Variants in PRKCA observed in about 807,000 individuals in gnomAD.
The protein encoded by PRKCA is protein kinase C alpha, also known as protein kinase C alpha type.
In PRKCA, 27 loss-of-function variants were observed where a neutral mutation model predicts 87.0. That is an observed-to-expected ratio of 0.31 (90% CI 0.23 to 0.43). The LOEUF (loss-of-function observed/expected upper bound fraction) is 0.43, where lower values mean the gene tolerates loss of function less well. PRKCA is among the 20% of genes least tolerant of loss of function. PRKCA has a pLI of 1.00. For missense variants in PRKCA, 518 were observed against 852.3 expected, an observed-to-expected ratio of 0.61 and a Z score of 4.88; for synonymous variants, 329 against 311.1, an observed-to-expected ratio of 1.06 and a Z score of -0.61.
chr17:66,607,047 A>G (rs1290635550), intron 3 of PRKCA, among the ~76,000 whole-genome samples: 1 of 152,148 alleles, frequency 6.6e-6, no homozygotes, highest in African/African-American at 2.4e-5. Context: ...TTGTAATGCA[A>G]TTACTTTTAA....
intron 2 of PRKCA, among the ~76,000 whole-genome samples, chr17:66,309,546 C>T (rs1010256075): frequency 6.6e-6 from 1 of 152,142 alleles, no homozygotes; most frequent in Non-Finnish European, 1.5e-5. Flanking sequence ...CTGCCTGAAA[C>T]GGTGAAACCA....
intron 3 of PRKCA, among the ~76,000 whole-genome samples, chr17:66,501,736 G>T (rs1218426389): frequency 6.6e-6 from 1 of 152,218 alleles, no homozygotes; most frequent in Non-Finnish European, 1.5e-5. Context: ...AGACAAAAGT[G>T]CTCTGTGTTT....
intron 5 of PRKCA, among the ~76,000 whole-genome samples, chr17:66,665,044 C>T (rs1972008676): frequency 6.6e-6 from 1 of 152,114 alleles, no homozygotes; most frequent in Non-Finnish European, 1.5e-5. Flanking sequence ...ATTGCAGAAT[C>T]CCCGAACTCA....
At chr17:66,364,908 A>G (rs936165001) in intron 2 of PRKCA, among the ~76,000 whole-genome samples, 5 of 152,028 alleles carry the variant, frequency 3.3e-5, no homozygotes, top group Non-Finnish European at 7.4e-5. Flanking sequence ...TTCGAATACT[A>G]TTTTCCCACT....
At position 66,787,195 on chromosome 17, in the gene PRKCA, C is replaced by T. The variant is rs189134445; in HGVS notation, c.1713+221C>T. 2.8e-3 allele frequency: 2,033 copies of T among 732,290 alleles called. 42 individuals carry two copies. In the Admixed American group the frequency reaches 0.034, roughly 12 times the overall value. The allele number at this position is 732,290 out of a possible 1,614,324, so 45.4% of individuals were successfully genotyped here. ...GGCCTGTTTTGAACTCTGCACAAACCGAACCTTGTAGTGTTGCTCCTGGCC... is the reference window on the plus strand; with the variant it reads ...GGCCTGTTTTGAACTCTGCACAAACTGAACCTTGTAGTGTTGCTCCTGGCC... On this transcript the variant is annotated intron_variant, in intron 15 of 16. Transcript: ENST00000413366.
intron 2 of PRKCA, among the ~76,000 whole-genome samples, chr17:66,333,497 A>T (rs1906475400): frequency 6.6e-6 from 1 of 152,164 alleles, no homozygotes; most frequent in South Asian, 2.1e-4. Flanking sequence ...TTGTATGCTC[A>T]CTCAGTTGCC....
In PRKCA at chr17:66,687,194, A is replaced by G; in HGVS notation, c.613A>G (p.Lys205Glu). The G allele has an allele frequency of 6.2e-7, 1 of 1,614,132 alleles. No individual in the cohort carries two copies. Residue 205 changes from lysine to glutamate, a missense_variant, in exon 6 of 17, where the codon AAG (lysine) becomes GAG (glutamate). Physicochemically the swap from Lys to Glu is moderately conservative, Grantham distance 56. This residue lies in a region of PRKCA where 300 missense variants were observed against 496.8 expected (regional missense o/e 0.60). Transcript: ENST00000413366. ...YVKLKLIPDP[K>E]NESKQKTKTI... Reference sequence around the variant, plus strand: ...GAAGCTGAAACTTATTCCTGATCCCAAGAATGAAAGCAAGCAAAAAACCAA... The same window carrying G: ...GAAGCTGAAACTTATTCCTGATCCCGAGAATGAAAGCAAGCAAAAAACCAA...
chr17:66,775,454 T>A (rs764683428), intron 14 of PRKCA: 19 of 985,422 alleles, frequency 1.9e-5, no homozygotes, highest in Non-Finnish European at 2.3e-5. Flanking sequence ...GTATAGCATA[T>A]CTGAGAGCTC....
At chr17:66,515,712 T>C (rs1354854291) in intron 3 of PRKCA, among the ~76,000 whole-genome samples, 1 of 152,012 alleles carries the variant, frequency 6.6e-6, no homozygotes, top group Non-Finnish European at 1.5e-5. Flanking sequence ...CCCAGCTAAT[T>C]TTTTATATTT....
chr17:66,567,516 T>TA (rs1446593821), intron 3 of PRKCA, among the ~76,000 whole-genome samples: 1 of 152,256 alleles, frequency 6.6e-6, no homozygotes, highest in Admixed American at 6.5e-5. Flanking sequence ...TACCAGCCCT[T>TA]GATGCTGTTG....
At chr17:66,468,147 T>G (rs1915167540) in intron 2 of PRKCA, among the ~76,000 whole-genome samples, 1 of 152,238 alleles carries the variant, frequency 6.6e-6, no homozygotes, top group Non-Finnish European at 1.5e-5. Flanking sequence ...AAAAAGCACA[T>G]ATTTTCCATT....
intron 2 of PRKCA, among the ~76,000 whole-genome samples, chr17:66,320,718 A>G (rs1480890844): frequency 6.6e-6 from 1 of 152,226 alleles, no homozygotes; most frequent in East Asian, 1.9e-4. Context: ...GCAACAGGCT[A>G]TACAGTTCTG....
chr17:66,472,904 G>A (rs942819771), intron 2 of PRKCA, among the ~76,000 whole-genome samples: 2 of 152,160 alleles, frequency 1.3e-5, no homozygotes, highest in Non-Finnish European at 2.9e-5. Context: ...AGGTGAATGA[G>A]GCAGCCTTTG....
At position 66,709,334 on chromosome 17, in the gene PRKCA, A is replaced by G. The variant is rs1264303490; in HGVS notation, c.918+20287A>G. On this transcript the variant is annotated intron_variant, in intron 8 of 16. Transcript: ENST00000413366. Reference sequence around the variant, plus strand: ...TTTTTTTTTTTTTTTTTTTTGAGATAGAGTGTTGCTTTTGTTGCCTAGGCT... The same window carrying G: ...TTTTTTTTTTTTTTTTTTTTGAGATGGAGTGTTGCTTTTGTTGCCTAGGCT... Among the ~76,000 whole-genome samples the G allele has an allele frequency of 3.2e-5, 3 of 93,052 alleles. No homozygotes were observed. The East Asian group carries it at 1.0e-3, about 32-fold the overall frequency. The allele number at this position is 93,052 out of a possible 152,430, so 61.0% of individuals were successfully genotyped here.
rs1228567098 is a variant in PRKCA, at chr17:66,750,599, A to G, written c.1524+7839A>G. On this transcript the variant is annotated intron_variant, in intron 13 of 16. Transcript: ENST00000413366. ...TAGAGCACTGGGCACCTTCTGCGAT[A>G]TTGTGGTCTATGAAACAAATGTGGC... Among the ~76,000 whole-genome samples, 6 of 152,114 alleles carry G rather than the reference A, an allele frequency of 3.9e-5. No homozygotes were observed. In the East Asian group the frequency reaches 1.2e-3, roughly 29 times the overall value.
intron 3 of PRKCA, among the ~76,000 whole-genome samples, chr17:66,566,017 G>C (rs537294074): frequency 6.6e-6 from 1 of 152,266 alleles, no homozygotes; most frequent in East Asian, 1.9e-4. Flanking sequence ...CCAGCTGTTT[G>C]TGAGCCCTGA....
At chr17:66,577,651 C>T (rs1041460290) in intron 3 of PRKCA, among the ~76,000 whole-genome samples, 9 of 152,112 alleles carry the variant, frequency 5.9e-5, no homozygotes, top group African/African-American at 9.7e-5. Context: ...CAGGGAGGTG[C>T]GTAGTTTATA....
At chr17:66,550,152 G>A (rs1415635039) in intron 3 of PRKCA, among the ~76,000 whole-genome samples, 2 of 152,030 alleles carry the variant, frequency 1.3e-5, no homozygotes, top group African/African-American at 2.4e-5. Flanking sequence ...CTTTTTTCTC[G>A]GGTGAAGAGA....
chr17:66,541,536 T>TCCAGAGGCAGCAGATG (rs753543882), intron 3 of PRKCA, among the ~76,000 whole-genome samples: 366 of 152,298 alleles, frequency 2.4e-3, no homozygotes, highest in Non-Finnish European at 4.0e-3. Context: ...TAGAGGCTCA[T>TCCAGAGGCAGCAGATG]CCAGAGGCAG....
Sources: allele counts gnomAD v4.1 joint callset (sites outside exome capture counted in the v4.1 genomes callset), GRCh38; gene constraint gnomAD v4.1.1; regional missense constraint gnomAD v4.1.1; transcripts MANE v1.5; gene names NCBI Gene and HGNC (gene_info 2026-07-23, HGNC 2026-07-21).